Variants in PITPNB observed in about 807,000 individuals in gnomAD.
The protein encoded by PITPNB is phosphatidylinositol transfer protein beta, also known as phosphatidylinositol transfer protein beta isoform.
PITPNB carries 16 observed loss-of-function variants against 45.9 expected under a neutral mutation model. The ratio of observed to expected loss-of-function variants is 0.35; its 90% CI spans 0.24 to 0.53. PITPNB has a LOEUF of 0.53. PITPNB is among the 20% of genes least tolerant of loss of function. The probability of loss-of-function intolerance (pLI) is 0.93; values close to 1 mark genes in which losing one functional copy is unlikely to be tolerated. For missense variants in PITPNB, 188 were observed against 330.5 expected (o/e 0.57, Z 3.34); for synonymous variants, 112 against 108.9 (o/e 1.03, Z -0.18).
At chr22:27,869,019 A>C (rs1438339791) in intron 8 of PITPNB, among the ~76,000 whole-genome samples, 1 of 152,202 alleles carries the variant, frequency 6.6e-6, no homozygotes, top group East Asian at 1.9e-4. Flanking sequence ...TTAAAATAAC[A>C]ATTCCTCACC....
intron 3 of PITPNB, among the ~76,000 whole-genome samples, chr22:27,908,469 A>T (rs1935827269): frequency 6.6e-6 from 1 of 151,876 alleles, no homozygotes; most frequent in Admixed American, 6.6e-5. Flanking sequence ...CAACCAGAGG[A>T]CATTTTGAAT....
chr22:27,855,052 T>A, intron 10 of PITPNB, 113 bp from the exon 11 acceptor site: 1 of 716,842 alleles, frequency 1.4e-6, no homozygotes, highest in Non-Finnish European at 2.4e-6. Flanking sequence ...CATAACCATA[T>A]CCACATTAAG....
chr22:27,876,034 T>C (rs376097152), intron 7 of PITPNB, among the ~76,000 whole-genome samples: 9 of 152,172 alleles, frequency 5.9e-5, no homozygotes, highest in Non-Finnish European at 8.8e-5. Context: ...CACAGAATCA[T>C]AGAAGTAAAG....
chr22:27,897,460 T>G (rs1433467998), intron 4 of PITPNB, among the ~76,000 whole-genome samples: 3 of 152,250 alleles, frequency 2.0e-5, no homozygotes, highest in Non-Finnish European at 4.4e-5. Context: ...AAGTCTGTCC[T>G]ATTCCTCCTC....
At chr22:27,890,948 C>G (rs138470584) in intron 7 of PITPNB, among the ~76,000 whole-genome samples, 1 of 152,230 alleles carries the variant, frequency 6.6e-6, no homozygotes, top group Non-Finnish European at 1.5e-5. Flanking sequence ...TAAATCAATG[C>G]GAAGTATAAG....
intron 10 of PITPNB, among the ~76,000 whole-genome samples, chr22:27,858,116 A>C (rs1934223543): frequency 6.6e-6 from 1 of 152,246 alleles, no homozygotes; most frequent in South Asian, 2.1e-4. Flanking sequence ...AGTGTGTAAG[A>C]AAGAATACAG....
intron 3 of PITPNB, among the ~76,000 whole-genome samples, chr22:27,909,731 T>C (rs1314404960): frequency 2.6e-5 from 4 of 152,142 alleles, no homozygotes; most frequent in Non-Finnish European, 5.9e-5. Flanking sequence ...TTTTATAACT[T>C]CTCTTAGGAA....
chr22:27,893,582 CTTTTTTTTTTTTT>C (rs745878388), intron 7 of PITPNB, among the ~76,000 whole-genome samples: 2 of 74,046 alleles, frequency 2.7e-5, no homozygotes, highest in East Asian at 3.7e-4. Context: ...CATGTCTAGC[CTTTTTTTTTTTTT>C]TTTTTTTTTT....
intron 3 of PITPNB, among the ~76,000 whole-genome samples, chr22:27,906,481 T>C (rs1305210622): frequency 6.6e-6 from 1 of 152,196 alleles, no homozygotes. Context: ...GATTCAGACG[T>C]AGAGCAAAGT....
chr22:27,919,081 T>A, intron 1 of PITPNB, 91 bp downstream of exon 1: 1 of 1,604,400 alleles, frequency 6.2e-7, no homozygotes, highest in Non-Finnish European at 8.5e-7. Flanking sequence ...CAGGGCTGAC[T>A]CCGATTTAGG....
At chr22:27,855,002 G>T in intron 10 of PITPNB, 63 bp from the exon 11 acceptor site, 1 of 1,147,392 alleles carries the variant, frequency 8.7e-7, no homozygotes, top group Non-Finnish European at 1.3e-6. Context: ...TAGTAAGCAA[G>T]GGGAGAAAAA....
chr22:27,876,816 T>A (rs548966762), intron 7 of PITPNB, among the ~76,000 whole-genome samples: 1 of 152,172 alleles, frequency 6.6e-6, no homozygotes, highest in South Asian at 2.1e-4. Context: ...TGAGCAATAG[T>A]GTGGAATGAG....
chr22:27,883,539 T>C (rs920030239), intron 7 of PITPNB, among the ~76,000 whole-genome samples: 1 of 152,256 alleles, frequency 6.6e-6, no homozygotes, highest in Non-Finnish European at 1.5e-5. Context: ...GAAAGAGCCC[T>C]GAGCCCTACT....
At chr22:27,858,314 T>C in intron 10 of PITPNB, 73 bp downstream of exon 10, 2 of 1,164,480 alleles carry the variant, frequency 1.7e-6, no homozygotes, top group Non-Finnish European at 2.5e-6. Context: ...ATTCTAACTC[T>C]GTATTTACCA....
intron 3 of PITPNB, among the ~76,000 whole-genome samples, chr22:27,898,835 C>A (rs1232115994): frequency 6.6e-6 from 1 of 152,136 alleles, no homozygotes; most frequent in Non-Finnish European, 1.5e-5. Context: ...ACAATCCCAA[C>A]ATATAAAGGG....
intron 8 of PITPNB, among the ~76,000 whole-genome samples, chr22:27,865,229 A>G (rs1022074276): frequency 3.3e-5 from 5 of 152,220 alleles, no homozygotes; most frequent in Admixed American, 2.6e-4. Flanking sequence ...CCCTCAGCAG[A>G]GTATTTTCGG....
chr22:27,906,193 T>C (rs538849616), intron 3 of PITPNB, among the ~76,000 whole-genome samples: 1 of 152,234 alleles, frequency 6.6e-6, no homozygotes. Flanking sequence ...GGCCCCAGCA[T>C]AAGGGGCTGA....
rs1934043518 is a variant in PITPNB at position 27,852,347 on chromosome 22, C to T, written c.*1355G>A. On this transcript the variant is annotated 3_prime_UTR_variant, in exon 12 of 12. Coordinates refer to ENST00000335272, the MANE Select transcript of PITPNB (RefSeq NM_012399.5). Reference sequence around the variant, plus strand: ...GCTTCCAGGACTGACAGAGGAAAAACTGGATTCAGACAGAGAAAGCTGATA... The same window carrying T: ...GCTTCCAGGACTGACAGAGGAAAAATTGGATTCAGACAGAGAAAGCTGATA... The T allele has an allele frequency of 1.3e-5, 2 of 152,242 alleles. No homozygotes were observed. The highest frequency in any genetic ancestry group is 4.8e-5 in the African/African-American group (2 of 41,456). 9.4% of individuals were successfully genotyped at this position (152,242 alleles called of 1,614,324 possible).
chr22:27,878,541 G>T (rs761027077), intron 7 of PITPNB, among the ~76,000 whole-genome samples: 1 of 152,060 alleles, frequency 6.6e-6, no homozygotes, highest in African/African-American at 2.4e-5. Context: ...CAACCTTTCA[G>T]GTTCCCACAG....
Sources: gnomAD v4.1 joint callset for allele counts (sites outside exome capture counted in the v4.1 genomes callset) on GRCh38, gnomAD v4.1.1 for gene constraint, MANE v1.5 for transcripts, NCBI Gene and HGNC (gene_info 2026-07-23, HGNC 2026-07-21) for gene names.